Variants in MTMR14 observed in about 807,000 individuals in gnomAD.
MTMR14 encodes the protein phosphatidylinositol-3,5-bisphosphate 3-phosphatase MTMR14.
In MTMR14, 48 loss-of-function variants were observed where a neutral mutation model predicts 86.3. The ratio of observed to expected loss-of-function variants is 0.56; its 90% CI spans 0.44 to 0.71. The LOEUF is 0.71. Ranked by LOEUF, MTMR14 falls within the 30% of genes least tolerant of loss-of-function variation. The pLI is 0.00. For synonymous variants in MTMR14, 366 were observed against 326.1 expected (o/e 1.12, Z -1.32); for missense variants, 780 against 834.6 (o/e 0.93, Z 0.81).
chr3:9,686,438 A>ACTC (rs1456226290), intron 13 of MTMR14, among the ~76,000 whole-genome samples: 1 of 152,118 alleles, frequency 6.6e-6, no homozygotes, highest in Non-Finnish European at 1.5e-5. Context: ...CTCCATGTAG[A>ACTC]CAAGAGGCTC....
rs190233993 is a variant in MTMR14 at position 9,661,033 on chromosome 3, C to T, written c.309-1234C>T. On this transcript the variant is annotated intron_variant, in intron 2 of 18. Transcript: ENST00000296003. ...TGCTGGAGCTAACTTCTAAACCTCA[C>T]TCTCAAGTTCTAGAAGCTCACTTAC... Among the ~76,000 whole-genome samples the T allele has an allele frequency of 1.1e-4, 17 of 152,304 alleles. No individual in the cohort carries two copies. In the East Asian group the frequency reaches 2.9e-3, roughly 26 times the overall value.
chr3:9,697,424 G>C (rs2076314855), intron 17 of MTMR14, among the ~76,000 whole-genome samples: 1 of 152,112 alleles, frequency 6.6e-6, no homozygotes. Flanking sequence ...GCATGCCCTG[G>C]CCCCAGGCTG....
At position 9,685,301 on chromosome 3, in the gene MTMR14, G is replaced by A. The variant is rs770924336; in HGVS notation, c.1164+54G>A. On this transcript the variant is annotated intron_variant, in intron 13 of 18. Coordinates refer to ENST00000296003, the MANE Select transcript of MTMR14 (RefSeq NM_001077525.3). ...ACAGCTCAGCACTGAAAGAGGGGCA[G>A]TGGGTAGCCTGTCTGAGTTCCACGT... The A allele has an allele frequency of 6.2e-6, 10 of 1,605,854 alleles. No homozygotes were observed. The Admixed American group carries it at 8.3e-5, about 13-fold the overall frequency.
rs2076332428 is a variant in MTMR14 at position 9,697,867 on chromosome 3, G to GT, written c.1769+2dup. ...CGGATGAGCTCCCTAACAGTTGTCTGTAAGTGTCTTGCTTGAGAAGGCAGG... is the reference window on the plus strand; with the variant it reads ...CGGATGAGCTCCCTAACAGTTGTCTGTTAAGTGTCTTGCTTGAGAAGGCAGG... On this transcript the variant is annotated splice_donor_variant, in intron 18 of 18. Transcript: ENST00000296003. LOFTEE classifies it high-confidence loss of function. 3 of 1,614,016 alleles carry GT rather than the reference G, an allele frequency of 1.9e-6. No individual in the cohort carries two copies. The highest frequency in any genetic ancestry group is 2.5e-6 in the Non-Finnish European group (3 of 1,180,038).
chr3:9,672,980 T>C (rs2048656139), intron 7 of MTMR14, among the ~76,000 whole-genome samples: 1 of 152,238 alleles, frequency 6.6e-6, no homozygotes, highest in South Asian at 2.1e-4. Context: ...GATTTTGTAC[T>C]GTCACTGGTC....
At chr3:9,681,119 T>G (rs974020586) in intron 9 of MTMR14, among the ~76,000 whole-genome samples, 2 of 152,208 alleles carry the variant, frequency 1.3e-5, no homozygotes, top group Non-Finnish European at 2.9e-5. Flanking sequence ...TATTCACCCT[T>G]GTGTGCCTGG....
intron 2 of MTMR14, among the ~76,000 whole-genome samples, chr3:9,658,286 T>G (rs2047726499): frequency 6.6e-6 from 1 of 152,174 alleles, no homozygotes; most frequent in Non-Finnish European, 1.5e-5. Context: ...TTAAACAGGG[T>G]AGAATTGGAT....
intron 18 of MTMR14, chr3:9,700,725 C>T (rs2076427747): frequency 1.3e-5 from 2 of 152,208 alleles, no homozygotes; most frequent in African/African-American, 4.8e-5. Flanking sequence ...GGAACCCTGG[C>T]TTCAACCCAG....
intron 6 of MTMR14, among the ~76,000 whole-genome samples, 180 bp downstream of exon 6, chr3:9,671,350 A>G: frequency 6.6e-6 from 1 of 152,224 alleles, no homozygotes; most frequent in East Asian, 1.9e-4. Flanking sequence ...TCTTACAGAC[A>G]CTGAAGCACA....
chr3:9,653,113 C>T (rs888481273), intron 1 of MTMR14, among the ~76,000 whole-genome samples: 1 of 152,192 alleles, frequency 6.6e-6, no homozygotes, highest in African/African-American at 2.4e-5. Context: ...TTCTACGCAC[C>T]TGTAATCCCA....
intron 18 of MTMR14, chr3:9,699,500 G>C (rs1339678178): frequency 1.3e-5 from 2 of 152,248 alleles, no homozygotes; most frequent in African/African-American, 4.8e-5. Context: ...CAGCATGTGG[G>C]TTCAGCACTT....
chr3:9,654,411 G>A (rs1423475093), intron 2 of MTMR14, among the ~76,000 whole-genome samples: 1 of 152,198 alleles, frequency 6.6e-6, no homozygotes, highest in Non-Finnish European at 1.5e-5. Context: ...TTTATGGTGG[G>A]CCTACCAAGA....
At position 9,688,715 on chromosome 3, in the gene MTMR14, C is replaced by CG. The variant is rs1431537308; in HGVS notation, c.1258dup (p.Asp420GlyfsTer44). 2 of 1,614,164 alleles carry CG rather than the reference C, an allele frequency of 1.2e-6. No homozygotes were observed. Among genetic ancestry groups the CG allele is most frequent in the Non-Finnish European group, 1.7e-6 (2 of 1,180,030 alleles). Reference sequence around the variant, plus strand: ...TTCTAGGAGGAAGAGTTTGCCAGCCCGGGATGGAGGCTTCACCCTGGAAGA... The same window carrying CG: ...TTCTAGGAGGAAGAGTTTGCCAGCCCGGGGATGGAGGCTTCACCCTGGAAGA... On this transcript the variant is annotated frameshift_variant, in exon 15 of 19. Coordinates refer to ENST00000296003, the MANE Select transcript of MTMR14 (RefSeq NM_001077525.3). LOFTEE classifies it high-confidence loss of function.
intron 17 of MTMR14, among the ~76,000 whole-genome samples, chr3:9,696,062 T>G (rs1270775039): frequency 6.6e-6 from 1 of 152,222 alleles, no homozygotes; most frequent in Non-Finnish European, 1.5e-5. Context: ...TTCTAGAGTT[T>G]AGCAGGAATG....
chr3:9,684,986 GTT>G, intron 12 of MTMR14, 22 bp downstream of exon 12: 1 of 1,610,088 alleles, frequency 6.2e-7, no homozygotes, highest in Non-Finnish European at 8.5e-7. Flanking sequence ...CAGGAGTTGG[GTT>G]TTGGGGCCTT....
At chr3:9,659,980 G>A (rs2047830750) in intron 2 of MTMR14, among the ~76,000 whole-genome samples, 1 of 152,206 alleles carries the variant, frequency 6.6e-6, no homozygotes, top group South Asian at 2.1e-4. Context: ...GGGTTCAGAG[G>A]GCTGGTATGA....
Position 9,701,949 on chromosome 3 carries a change from G to A in MTMR14, c.1929G>A (p.Arg643=). The change falls in exon 19 of 19, where the codon CGG becomes CGA. Residue 643 remains arginine (R), a synonymous_variant. Coordinates refer to ENST00000296003, the MANE Select transcript of MTMR14 (RefSeq NM_001077525.3). This position sits in a 1 kb window ranked among gnomAD's most constrained non-coding sequence, Gnocchi z 4.2. The part of the protein sequence containing the change: ...LEQFARGVGL[R]SISSNAL ...AATTTGCCCGTGGTGTTGGACTCCG[G>A]AGCATCAGCAGCAATGCCTTGTGAA... 1.2e-6 allele frequency: 2 copies of A among 1,614,194 alleles called. No individual in the cohort carries two copies. Among genetic ancestry groups the A allele is most frequent in the Non-Finnish European group, 1.7e-6 (2 of 1,180,034 alleles).
intron 17 of MTMR14, among the ~76,000 whole-genome samples, chr3:9,697,036 C>T (rs2125397490): frequency 6.6e-6 from 1 of 152,314 alleles, no homozygotes; most frequent in Admixed American, 6.5e-5. Flanking sequence ...AAACCTCCAT[C>T]TGAAGAAGGC....
intron 3 of MTMR14, among the ~76,000 whole-genome samples, chr3:9,664,859 G>A (rs1397544994): frequency 6.6e-6 from 1 of 152,188 alleles, no homozygotes; most frequent in African/African-American, 2.4e-5. Context: ...CAGGGTGACT[G>A]CAGTCAACAA....
Sources: allele counts gnomAD v4.1 joint callset (sites outside exome capture counted in the v4.1 genomes callset), GRCh38; gene constraint gnomAD v4.1.1; non-coding constraint Gnocchi (gnomAD v3.1); transcripts MANE v1.5; gene names NCBI Gene and HGNC (gene_info 2026-07-23, HGNC 2026-07-21).